CLSPN: variants seen among roughly 807,000 people sequenced by gnomAD.
The protein encoded by CLSPN is claspin homolog.
CLSPN carries 85 observed loss-of-function variants against 156.3 expected under a neutral mutation model. That is an observed-to-expected ratio of 0.54 (90% confidence interval 0.46 to 0.65). CLSPN has a LOEUF of 0.65. Among genes scored for constraint, CLSPN ranks in the 30% least tolerant of loss-of-function variants. The probability of loss-of-function intolerance (pLI) is 0.00; values close to 1 mark genes in which losing one functional copy is unlikely to be tolerated. For missense variants in CLSPN, 1,407 were observed against 1,554.9 expected (o/e 0.90, Z 1.60); for synonymous variants, 534 against 542.4 (o/e 0.98, Z 0.22).
chr1:35,747,023 A>T, intron 14 of CLSPN, 31 bp from the exon 15 acceptor site: 1 of 1,573,458 alleles, frequency 6.4e-7, no homozygotes, highest in Non-Finnish European at 8.7e-7. Context: ...CGAATAGTGT[A>T]AAAAATTCCT....
At chr1:35,739,956 T>C (rs1641636969) in intron 18 of CLSPN, among the ~76,000 whole-genome samples, 1 of 152,208 alleles carries the variant, frequency 6.6e-6, no homozygotes, top group Admixed American at 6.5e-5. Context: ...CATTTTACAG[T>C]TGAGGGAATT....
chr1:35,743,124 AT>A lies in CLSPN; in HGVS notation c.3143+16del. The A allele has an allele frequency of 6.3e-7, 1 of 1,584,490 alleles. No homozygotes were observed. Among genetic ancestry groups the A allele is most frequent in the Non-Finnish European group, 8.7e-7 (1 of 1,153,330 alleles). ...TTTAAATACACCTGAAGGAATGGACATATTAATAACACGTACATTTGCCTTT... is the reference window on the plus strand; with the variant it reads ...TTTAAATACACCTGAAGGAATGGACAATTAATAACACGTACATTTGCCTTT... On this transcript the variant is annotated intron_variant, in intron 18 of 24. Transcript: ENST00000318121.
intron 9 of CLSPN, among the ~76,000 whole-genome samples, chr1:35,752,868 C>T (rs531932656): frequency 1.3e-5 from 2 of 152,228 alleles, no homozygotes; most frequent in South Asian, 2.1e-4. Flanking sequence ...TCACAAAATA[C>T]GGTATATGGA....
chr1:35,747,022 T>TA, intron 14 of CLSPN, 30 bp from the exon 15 acceptor site: 2 of 1,576,662 alleles, frequency 1.3e-6, no homozygotes, highest in Middle Eastern at 1.7e-4. Flanking sequence ...ACGAATAGTG[T>TA]AAAAAATTCC....
At chr1:35,722,265 T>TC (rs1641091142) in intron 24 of CLSPN, among the ~76,000 whole-genome samples, 1 of 147,890 alleles carries the variant, frequency 6.8e-6, no homozygotes, top group Non-Finnish European at 1.5e-5. Context: ...TTTTTTTTTT[T>TC]TTTTTTTGAG....
At chr1:35,742,743 C>CCTTT (rs1641735846) in intron 18 of CLSPN, among the ~76,000 whole-genome samples, 1 of 130,588 alleles carries the variant, frequency 7.7e-6, no homozygotes, top group African/African-American at 2.8e-5. Flanking sequence ...AAGTGATCAA[C>CCTTT]TTTTTTTTTT....
chr1:35,739,445 A>T lies in CLSPN; in HGVS notation c.3228T>A (p.Ile1076=), dbSNP rs1641617154. The part of the protein sequence containing the change: ...GSEDEYDGEE[I]DEYEEDVIDE... Reference sequence around the variant, plus strand: ...CAATTACGTCCTCTTCATATTCATCAATTTCTTCCCCATCATACTCATCTT... The same window carrying T: ...CAATTACGTCCTCTTCATATTCATCTATTTCTTCCCCATCATACTCATCTT... The change falls in exon 19 of 25, where the codon ATT becomes ATA. Residue 1076 remains isoleucine, a synonymous_variant. Transcript: ENST00000318121. 1.2e-6 allele frequency: 2 copies of T among 1,613,812 alleles called. No homozygotes were observed. Among genetic ancestry groups the T allele is most frequent in the Non-Finnish European group, 1.7e-6 (2 of 1,179,962 alleles).
chr1:35,721,109 C>T, intron 24 of CLSPN: 1 of 615,234 alleles, frequency 1.6e-6, no homozygotes, highest in South Asian at 2.1e-5. Flanking sequence ...CCAAGCCTAA[C>T]TTGAGTGGAA....
intron 16 of CLSPN, among the ~76,000 whole-genome samples, chr1:35,744,511 G>A (rs1460031509): frequency 6.6e-6 from 1 of 152,052 alleles, no homozygotes; most frequent in African/African-American, 2.4e-5. Flanking sequence ...ATCCAGGCTG[G>A]TCTCAAACTC....
At position 35,735,798 on chromosome 1, in the gene CLSPN, C is replaced by A. The variant is rs1641449495; in HGVS notation, c.*698G>T. On this transcript the variant is annotated 3_prime_UTR_variant, in exon 25 of 25. Coordinates refer to ENST00000318121, the MANE Select transcript of CLSPN (RefSeq NM_022111.4). Reference sequence around the variant, plus strand: ...AAGGAGTCATTATGGTACTGATTTTCACTGTTTAATCTGTAATGTCACACT... The same window carrying A: ...AAGGAGTCATTATGGTACTGATTTTAACTGTTTAATCTGTAATGTCACACT... The A allele has an allele frequency of 1.0e-6, 1 of 985,062 alleles. No individual in the cohort carries two copies. The highest frequency in any genetic ancestry group is 1.2e-6 in the Non-Finnish European group (1 of 829,902). The allele number at this position is 985,062 out of a possible 1,614,324, so 61.0% of individuals were successfully genotyped here. A position where few individuals can be genotyped will look rare whatever the true frequency, so the allele number is the denominator to read the frequency against.
At chr1:35,769,165 T>A (rs563579171) in intron 1 of CLSPN, among the ~76,000 whole-genome samples, 33 of 152,176 alleles carry the variant, frequency 2.2e-4, no homozygotes, top group Non-Finnish European at 4.1e-4. Flanking sequence ...TGCATTAAAA[T>A]ATGAGTTTGA....
chr1:35,767,644 T>C (rs1180242686), intron 1 of CLSPN, among the ~76,000 whole-genome samples: 1 of 152,238 alleles, frequency 6.6e-6, no homozygotes, highest in Non-Finnish European at 1.5e-5. Context: ...GTGTAAGGTA[T>C]ATATGAAATA....
intron 16 of CLSPN, 83 bp downstream of exon 16, chr1:35,745,368 G>A: frequency 1.1e-6 from 1 of 917,246 alleles, no homozygotes; most frequent in East Asian, 2.4e-5. Context: ...CTCAGAAAAG[G>A]TGCAAAGCCC....
At chr1:35,765,633 G>A (rs1256000735) in intron 1 of CLSPN, among the ~76,000 whole-genome samples, 1 of 152,036 alleles carries the variant, frequency 6.6e-6, no homozygotes, top group Non-Finnish European at 1.5e-5. Flanking sequence ...CAATTGATGA[G>A]GGGAAGTTTC....
intron 18 of CLSPN, 34 bp from the exon 19 acceptor site, chr1:35,739,563 C>A: frequency 6.4e-7 from 1 of 1,564,374 alleles, no homozygotes; most frequent in Non-Finnish European, 8.8e-7. Flanking sequence ...GAAAATGCAA[C>A]AATGAATATA....
At chr1:35,737,180 AC>A in intron 23 of CLSPN, 105 bp from the exon 24 acceptor site, 1 of 1,274,880 alleles carries the variant, frequency 7.8e-7, no homozygotes, top group Non-Finnish European at 1.1e-6. Context: ...ACATATGCCT[AC>A]CCTATTCAAA....
chr1:35,725,543 C>T (rs1641162397), intron 24 of CLSPN, among the ~76,000 whole-genome samples: 1 of 151,946 alleles, frequency 6.6e-6, no homozygotes, highest in Admixed American at 6.6e-5. Context: ...CTCCGGCCGC[C>T]CACCTCTCCT....
At chr1:35,768,667 T>C (rs1338027050) in intron 1 of CLSPN, among the ~76,000 whole-genome samples, 1 of 152,042 alleles carries the variant, frequency 6.6e-6, no homozygotes, top group Non-Finnish European at 1.5e-5. Context: ...CTGCCGGCCT[T>C]AGCCTCCCGA....
chr1:35,726,801 G>A (rs1452371296), intron 24 of CLSPN, among the ~76,000 whole-genome samples: 1 of 152,228 alleles, frequency 6.6e-6, no homozygotes, highest in African/African-American at 2.4e-5. Context: ...AAGGGGCACA[G>A]TAGGAAGACT....
Sources: allele counts gnomAD v4.1 joint callset (sites outside exome capture counted in the v4.1 genomes callset), GRCh38; gene constraint gnomAD v4.1.1; transcripts MANE v1.5; gene names NCBI Gene and HGNC (gene_info 2026-07-23, HGNC 2026-07-21).